The following PITPNM2 variants were observed in gnomAD, a reference collection of about 807,000 sequenced individuals.
The protein encoded by PITPNM2 is phosphatidylinositol transfer protein membrane associated 2, also known as membrane-associated phosphatidylinositol transfer protein 2.
A neutral mutation model predicts 132.2 loss-of-function variants in PITPNM2; 35 were observed. The ratio of observed to expected loss-of-function variants is 0.26; its 90% confidence interval spans 0.20 to 0.35. The LOEUF is 0.35. PITPNM2 is among the 10% of genes least tolerant of loss of function. PITPNM2 has a pLI of 1.00. For missense variants in PITPNM2, 1,332 were observed against 1,912.0 expected (o/e 0.70, Z 5.66); for synonymous variants, 738 against 799.2 (o/e 0.92, Z 1.29).
chr12:122,992,474 G>A lies in PITPNM2; in HGVS notation c.2404+25C>T, dbSNP rs1320429716. 1.3e-6 allele frequency: 2 copies of A among 1,598,240 alleles called. No homozygotes were observed. The highest frequency in any genetic ancestry group is 8.5e-7 in the Non-Finnish European group (1 of 1,173,196). ...ACGCTTACCCCACCTTCCCCCAGAG[G>A]AGTGGGGCGGAATGTGCCTCTCACC... is the stretch of plus-strand genomic sequence containing the variant. On this transcript the variant is annotated intron_variant, in intron 16 of 25. Coordinates refer to ENST00000320201, the MANE Select transcript of PITPNM2 (RefSeq NM_020845.3). This position sits in a 1 kb window ranked among gnomAD's most constrained non-coding sequence, Gnocchi z 6.5.
intron 1 of PITPNM2, among the ~76,000 whole-genome samples, chr12:123,130,968 C>T (rs2137549637): frequency 6.6e-6 from 1 of 152,194 alleles, no homozygotes; most frequent in African/African-American, 2.4e-5. Context: ...GTGCTGTCCC[C>T]CACCCCACCC....
At chr12:123,144,008 A>G (rs778097935) in intron 1 of PITPNM2, among the ~76,000 whole-genome samples, 2 of 152,204 alleles carry the variant, frequency 1.3e-5, no homozygotes, top group Non-Finnish European at 2.9e-5. Flanking sequence ...TTTGTGAATT[A>G]CCCTAGTCAC....
intron 1 of PITPNM2, among the ~76,000 whole-genome samples, chr12:123,141,158 C>T (rs1405242828): frequency 6.6e-6 from 1 of 152,064 alleles, no homozygotes; most frequent in Non-Finnish European, 1.5e-5. Context: ...GTGGTGAGGC[C>T]TAAGTCATGA....
chr12:122,989,924 G>A lies in PITPNM2; in HGVS notation c.2594C>T (p.Thr865Ile). The change falls in exon 18 of 26, where the codon ACC becomes ATC. Residue 865 changes from threonine to isoleucine, a missense_variant. Physicochemically the swap from Thr to Ile is moderately conservative, Grantham distance 89. Transcript: ENST00000320201. ...AQKAPDALSHTPSVRRLSLLA... is the reference protein window; with the variant it reads ...AQKAPDALSHIPSVRRLSLLA... ...CAGGGACAGACGCCTGACGCTGGGG[G>A]TATGGCTGAGCGCATCGGGGGCCTC... 6 of 1,318,676 alleles carry A rather than the reference G, an allele frequency of 4.6e-6. No individual in the cohort carries two copies. Among genetic ancestry groups the A allele is most frequent in the Non-Finnish European group, 5.8e-6 (6 of 1,030,232 alleles). The allele number at this position is 1,318,676 out of a possible 1,614,324, so 81.7% of individuals were successfully genotyped here.
At chr12:123,103,790 C>T (rs933085328) in intron 2 of PITPNM2, among the ~76,000 whole-genome samples, 4 of 152,206 alleles carry the variant, frequency 2.6e-5, no homozygotes, top group African/African-American at 7.2e-5. Flanking sequence ...AAAGGTTGGC[C>T]TAGATGACTT....
chr12:123,068,107 C>CTG (rs2041488050), intron 2 of PITPNM2, among the ~76,000 whole-genome samples: 2 of 152,346 alleles, frequency 1.3e-5, no homozygotes, highest in South Asian at 4.1e-4. Context: ...TCCACCTCCC[C>CTG]ACATGGTACC....
At position 122,986,106 on chromosome 12, in the gene PITPNM2, C is replaced by T; in HGVS notation, c.3971G>A (p.Ser1324Asn). 2 of 1,478,776 alleles carry T rather than the reference C, an allele frequency of 1.4e-6. No homozygotes were observed. The highest frequency in any genetic ancestry group is 1.8e-6 in the Non-Finnish European group (2 of 1,123,508). 91.6% of individuals were successfully genotyped at this position (1,478,776 alleles called of 1,614,324 possible). Residue 1324 changes from serine to asparagine, a missense_variant, in exon 26 of 26, where the codon AGC (serine) becomes AAC (asparagine). Ser to Asn is a conservative substitution (Grantham distance 46). Around this residue, in one of 6 missense-constraint regions of PITPNM2, gnomAD observed 163 missense variants for 177.2 expected, o/e 0.92. Transcript: ENST00000320201. ...QADGEQRGQR[S>N]MSVAAGCWGR... ...CCAGCAGCCGGCCGCCACACTCATG[C>T]TGCGCTGGCCCCGCTGCTCGCCATC...
At chr12:123,067,106 T>C (rs1210333378) in intron 2 of PITPNM2, among the ~76,000 whole-genome samples, 1 of 152,210 alleles carries the variant, frequency 6.6e-6, no homozygotes, top group Non-Finnish European at 1.5e-5. Flanking sequence ...GAAATCATAC[T>C]GGATTGAGGA....
chr12:123,116,293 AAACAGATG>A (rs1342394951), intron 1 of PITPNM2, among the ~76,000 whole-genome samples: 1 of 152,324 alleles, frequency 6.6e-6, no homozygotes, highest in East Asian at 1.9e-4. Flanking sequence ...AGGCATCCAC[AAACAGATG>A]AACAGATAAA....
chr12:123,033,898 G>T (rs1269785078), intron 3 of PITPNM2, among the ~76,000 whole-genome samples: 1 of 152,196 alleles, frequency 6.6e-6, no homozygotes, highest in Non-Finnish European at 1.5e-5. Context: ...TTGAGTGATA[G>T]ATACCCTACA....
chr12:123,135,354 A>T (rs867882503), intron 1 of PITPNM2, among the ~76,000 whole-genome samples: 15 of 150,608 alleles, frequency 1.0e-4, no homozygotes, highest in South Asian at 2.1e-4. Context: ...CGTTTTAAAA[A>T]TTTTACTGTG....
At position 122,987,786 on chromosome 12, in the gene PITPNM2, T is replaced by A; in HGVS notation, c.3113A>T (p.Lys1038Met). The A allele has an allele frequency of 6.2e-7, 1 of 1,613,944 alleles. No individual in the cohort carries two copies. Among genetic ancestry groups the A allele is most frequent in the Non-Finnish European group, 8.5e-7 (1 of 1,179,984 alleles). ...TACCCCTACCCGCCGTGTCCTTACC[T>A]TCTCCCCAGTCAGGGTGACCATGTC... ...PLDMVTLTGEKVDVHIMTQPP... is the reference protein window; with the variant it reads ...PLDMVTLTGEMVDVHIMTQPP... Residue 1038 changes from lysine (K) to methionine (M), a missense_variant and splice_region_variant, in exon 21 of 26, where the codon AAG becomes ATG. Coordinates refer to ENST00000320201, the MANE Select transcript of PITPNM2 (RefSeq NM_020845.3).
At chr12:123,015,358 C>T (rs932267232) in intron 3 of PITPNM2, among the ~76,000 whole-genome samples, 12 of 152,140 alleles carry the variant, frequency 7.9e-5, no homozygotes, top group Admixed American at 7.2e-4. Context: ...AACAGACAGA[C>T]AGACAGAATA....
Position 122,986,774 on chromosome 12 carries a change from G to A in PITPNM2, c.3469C>T (p.Gln1157Ter). 6.2e-7 allele frequency: 1 copy of A among 1,613,554 alleles called. No homozygotes were observed. Among genetic ancestry groups the A allele is most frequent in the Non-Finnish European group, 8.5e-7 (1 of 1,179,978 alleles). ...AGCCACGCCACCACCCGCTGCTTCT[G>A]CATGTCGGGCCGGCCCGTCACGTAG... ...IIYVTGRPDM[Q>*]KQRVVAWLAQ... The change falls in exon 24 of 26, where the codon CAG (glutamine) becomes TAG (stop). Residue 1157 changes from glutamine (Q) to a stop codon, truncating the protein, a stop_gained. Coordinates refer to ENST00000320201, the MANE Select transcript of PITPNM2 (RefSeq NM_020845.3). LOFTEE classifies it high-confidence loss of function.
In PITPNM2 at chr12:123,000,614, C is replaced by CA; in HGVS notation, c.1224+163dup. The stretch of plus-strand genomic sequence containing the variant: ...GACAGGCGCCTTCCTAGCAGGGCAG[C>CA]AAAAAAGGAGGCCCAGGCCTCTCCC... On this transcript the variant is annotated intron_variant, in intron 10 of 25. Transcript: ENST00000320201. The surrounding 1 kb of genome is among the most constrained non-coding windows in gnomAD (Gnocchi z 5.4). 1.3e-6 allele frequency: 1 copy of CA among 779,914 alleles called. No homozygotes were observed. 48.3% of individuals were successfully genotyped at this position (779,914 alleles called of 1,614,324 possible).
chr12:123,119,795 C>CTTT (rs112540065), intron 1 of PITPNM2, among the ~76,000 whole-genome samples: 2 of 141,094 alleles, frequency 1.4e-5, no homozygotes, highest in South Asian at 2.3e-4. Flanking sequence ...TCTTTTCTTT[C>CTTT]TTTTTTTTTT....
chr12:123,068,463 A>G (rs1156270561), intron 2 of PITPNM2, among the ~76,000 whole-genome samples: 1 of 29,174 alleles, frequency 3.4e-5, no homozygotes, highest in African/African-American at 4.2e-5. Context: ...AATAATAAAT[A>G]AATAAATAAA....
At position 122,992,465 on chromosome 12, in the gene PITPNM2, C is replaced by A; in HGVS notation, c.2404+34G>T. 6.3e-7 allele frequency: 1 copy of A among 1,580,010 alleles called. No homozygotes were observed. ...CAGGGAGCCACGCTTACCCCACCTT[C>A]CCCCAGAGGAGTGGGGCGGAATGTG... is the stretch of plus-strand genomic sequence containing the variant. On this transcript the variant is annotated intron_variant, in intron 16 of 25. Coordinates refer to ENST00000320201, the MANE Select transcript of PITPNM2 (RefSeq NM_020845.3). This position sits in a 1 kb window ranked among gnomAD's most constrained non-coding sequence, Gnocchi z 6.5.
intron 16 of PITPNM2, among the ~76,000 whole-genome samples, chr12:122,991,035 A>G (rs2038165589): frequency 6.6e-6 from 1 of 152,154 alleles, no homozygotes; most frequent in Non-Finnish European, 1.5e-5. Context: ...GGGCCTCCAG[A>G]GCTCACCCTG....
Sources: gnomAD v4.1 joint callset for allele counts (sites outside exome capture counted in the v4.1 genomes callset) on GRCh38, gnomAD v4.1.1 for gene constraint, gnomAD v4.1.1 regional missense constraint, Gnocchi (gnomAD v3.1) non-coding constraint, MANE v1.5 for transcripts, NCBI Gene and HGNC (gene_info 2026-07-23, HGNC 2026-07-21) for gene names.